The following TTC33 variants were observed in gnomAD, a reference collection of about 807,000 sequenced individuals.
The protein encoded by TTC33 is tetratricopeptide repeat protein 33.
Under a neutral mutation model 29.4 loss-of-function variants are expected in TTC33, and 24 were observed. The ratio of observed to expected loss-of-function variants is 0.82; its 90% CI spans 0.59 to 1.15. The LOEUF (loss-of-function observed/expected upper bound fraction) is 1.15, where lower values mean the gene tolerates loss of function less well. Among genes scored for constraint, TTC33 ranks in the 50% most tolerant of loss-of-function variants. The pLI, the probability that TTC33 is intolerant of heterozygous loss-of-function variation, is 0.00. For synonymous variants in TTC33, 107 were observed against 100.3 expected (o/e 1.07, Z -0.40); for missense variants, 286 against 310.4 (o/e 0.92, Z 0.59).
chr5:40,721,580 A>G (rs1347517671), intron 4 of TTC33, among the ~76,000 whole-genome samples: 1 of 152,154 alleles, frequency 6.6e-6, no homozygotes, highest in East Asian at 1.9e-4. Flanking sequence ...ATGGATCCTC[A>G]TCTTACACCA....
Position 40,712,483 on chromosome 5 carries a change from GA to G in TTC33, c.*3661del. Among the ~76,000 whole-genome samples the G allele has an allele frequency of 6.6e-6, 1 of 152,256 alleles. No individual in the cohort carries two copies. The highest frequency in any genetic ancestry group is 6.5e-5 in the Admixed American group (1 of 15,278). On this transcript the variant is annotated 3_prime_UTR_variant, in exon 5 of 5. Coordinates refer to ENST00000337702, the MANE Select transcript of TTC33 (RefSeq NM_012382.3). ...TTTACTGCTGAAAAAGGCTAGGTTAGAGGATGTACTTTAAGTTTATGCCAAC... is the reference window on the plus strand; with the variant it reads ...TTTACTGCTGAAAAAGGCTAGGTTAGGGATGTACTTTAAGTTTATGCCAAC...
intron 2 of TTC33, among the ~76,000 whole-genome samples, chr5:40,735,168 T>C (rs1742522142): frequency 1.3e-5 from 2 of 152,226 alleles, no homozygotes; most frequent in African/African-American, 2.4e-5. Flanking sequence ...GCCATAGTTA[T>C]GCATGTGGAT....
chr5:40,746,912 T>G lies in TTC33; in HGVS notation c.107A>C (p.Asp36Ala), dbSNP rs1742799531. ...AADEKDVVDNDEGNWLHAIKR... is the reference protein window; with the variant it reads ...AADEKDVVDNAEGNWLHAIKR... ...AATGGCATGAAGCCAGTTCCCTTCA[T>G]CGTTGTCAACTACATCCTTCTCATC... Residue 36 changes from aspartate to alanine, a missense_variant, in exon 2 of 5, where the codon GAT becomes GCT. Asp to Ala is a moderately radical substitution (Grantham distance 126). Transcript: ENST00000337702. The G allele has an allele frequency of 6.2e-7, 1 of 1,614,090 alleles. No individual in the cohort carries two copies. The highest frequency in any genetic ancestry group is 1.7e-5 in the Admixed American group (1 of 60,010).
Position 40,728,403 on chromosome 5 carries a change from GA to G in TTC33, c.376del (p.Ser126HisfsTer15). The G allele has an allele frequency of 6.2e-7, 1 of 1,613,428 alleles. No homozygotes were observed. Among genetic ancestry groups the G allele is most frequent in the Non-Finnish European group, 8.5e-7 (1 of 1,179,774 alleles). On this transcript the variant is annotated frameshift_variant, in exon 4 of 5. Coordinates refer to ENST00000337702, the MANE Select transcript of TTC33 (RefSeq NM_012382.3). LOFTEE classifies it high-confidence loss of function. ...AEMAVQQNPH[S>X]WESWQTLGRA... ...TCCCAAAGTCTGCCAAGACTCCCAT[GA>G]ATGTGGATTTTGCTGGACGGCCATT...
At chr5:40,721,583 T>C (rs1742135663) in intron 4 of TTC33, among the ~76,000 whole-genome samples, 1 of 152,038 alleles carries the variant, frequency 6.6e-6, no homozygotes, top group Non-Finnish European at 1.5e-5. Flanking sequence ...GATCCTCATC[T>C]TACACCATAA....
chr5:40,725,898 G>A (rs1394273831), intron 4 of TTC33, among the ~76,000 whole-genome samples: 1 of 149,720 alleles, frequency 6.7e-6, no homozygotes, highest in Non-Finnish European at 1.5e-5. Flanking sequence ...CCATTCTCCT[G>A]CCTCAGCCTC....
At chr5:40,722,768 G>A (rs1337092145) in intron 4 of TTC33, among the ~76,000 whole-genome samples, 3 of 151,434 alleles carry the variant, frequency 2.0e-5, no homozygotes, top group Admixed American at 6.6e-5. Context: ...GCCCCGTCCC[G>A]GAGGTGGCGG....
At chr5:40,746,759 T>C in intron 2 of TTC33, 39 bp downstream of exon 2, 1 of 1,473,328 alleles carries the variant, frequency 6.8e-7, no homozygotes, top group South Asian at 1.3e-5. Flanking sequence ...CTAGAAAATG[T>C]AAGCTCTTCT....
Position 40,735,213 on chromosome 5 carries a change from T to C in TTC33, c.222-4870A>G, listed in dbSNP as rs576318282. On this transcript the variant is annotated intron_variant, in intron 2 of 4. Transcript: ENST00000337702. ...TGTGTGATGAAGAATCCACAGAGTT[T>C]TTATACAACAGTGAGACATGAATTA... Among the ~76,000 whole-genome samples, 4 of 152,334 alleles carry C rather than the reference T, an allele frequency of 2.6e-5. No individual in the cohort carries two copies. The South Asian group carries it at 6.2e-4, about 24-fold the overall frequency.
intron 2 of TTC33, among the ~76,000 whole-genome samples, chr5:40,731,292 T>C (rs542893967): frequency 1.3e-5 from 2 of 152,318 alleles, no homozygotes; most frequent in Admixed American, 6.5e-5. Context: ...CACATACCTG[T>C]GCTCCACTCA....
intron 2 of TTC33, among the ~76,000 whole-genome samples, chr5:40,743,091 A>AT (rs1742726044): frequency 6.6e-6 from 1 of 152,236 alleles, no homozygotes; most frequent in South Asian, 2.1e-4. Flanking sequence ...AACACACTAA[A>AT]TAAGTGTATA....
intron 2 of TTC33, among the ~76,000 whole-genome samples, chr5:40,738,435 TATAAAATAAA>T (rs201568858): frequency 6.0e-5 from 5 of 83,768 alleles, no homozygotes; most frequent in South Asian, 4.5e-4. Context: ...TAAAATAAAA[TATAAAATAAA>T]ATACAATACA....
intron 2 of TTC33, among the ~76,000 whole-genome samples, chr5:40,735,636 C>T (rs1451030823): frequency 2.6e-5 from 4 of 152,166 alleles, no homozygotes; most frequent in African/African-American, 7.2e-5. Context: ...AACAGCTCCA[C>T]AAACACAGAT....
chr5:40,741,269 T>G (rs1384946301), intron 2 of TTC33, among the ~76,000 whole-genome samples: 2 of 152,178 alleles, frequency 1.3e-5, no homozygotes, highest in East Asian at 1.9e-4. Flanking sequence ...AGGTCTGAAG[T>G]AGCCTTCCCT....
At chr5:40,746,227 G>C (rs887301640) in intron 2 of TTC33, among the ~76,000 whole-genome samples, 2 of 151,866 alleles carry the variant, frequency 1.3e-5, no homozygotes, top group Non-Finnish European at 2.9e-5. Flanking sequence ...GTAAGAAAAA[G>C]AGGAAAGGAA....
At chr5:40,734,674 A>G (rs192031520) in intron 2 of TTC33, among the ~76,000 whole-genome samples, 74 of 152,336 alleles carry the variant, frequency 4.9e-4, no homozygotes, top group African/African-American at 1.5e-3. Flanking sequence ...TTAATGAGCT[A>G]TATAGTTAAC....
chr5:40,726,434 G>T (rs1742288580), intron 4 of TTC33, among the ~76,000 whole-genome samples: 1 of 150,792 alleles, frequency 6.6e-6, no homozygotes, highest in Non-Finnish European at 1.5e-5. Flanking sequence ...TTTACATAGT[G>T]TCCCTTCGTT....
At chr5:40,730,873 G>C (rs1394544202) in intron 2 of TTC33, among the ~76,000 whole-genome samples, 1 of 151,960 alleles carries the variant, frequency 6.6e-6, no homozygotes, top group East Asian at 1.9e-4. Context: ...ACAATACTTA[G>C]TATAATTTAA....
chr5:40,728,397 T>G lies in TTC33; in HGVS notation c.383A>C (p.Glu128Ala). Residue 128 changes from glutamate to alanine, a missense_variant, in exon 4 of 5, where the codon GAG becomes GCG. Glu to Ala is a moderately radical substitution (Grantham distance 107). Transcript: ENST00000337702. ...AGCACGTCCCAAAGTCTGCCAAGAC[T>G]CCCATGAATGTGGATTTTGCTGGAC... ...MAVQQNPHSW[E>A]SWQTLGRAQL... The G allele has an allele frequency of 3.1e-6, 5 of 1,606,868 alleles. No homozygotes were observed. Among genetic ancestry groups the G allele is most frequent in the Non-Finnish European group, 3.4e-6 (4 of 1,175,606 alleles).
Sources: allele counts gnomAD v4.1 joint callset (sites outside exome capture counted in the v4.1 genomes callset), GRCh38; gene constraint gnomAD v4.1.1; transcripts MANE v1.5; gene names NCBI Gene and HGNC (gene_info 2026-07-23, HGNC 2026-07-21).